Variants in RNASEH2B observed in about 807,000 individuals in gnomAD.
The protein encoded by RNASEH2B is Aicardi-Goutieres syndrome 2 protein.
RNASEH2B carries 36 observed loss-of-function variants against 45.0 expected under a neutral mutation model. The observed-to-expected ratio is 0.80, with a 90% confidence interval of 0.61 to 1.06. RNASEH2B has a LOEUF of 1.06. Among genes scored for constraint, RNASEH2B ranks in the 50% least tolerant of loss-of-function variants. RNASEH2B has a pLI of 0.00. For synonymous variants in RNASEH2B, 119 were observed against 125.7 expected, an observed-to-expected ratio of 0.95 and a Z score of 0.35; for missense variants, 361 against 360.3, an observed-to-expected ratio of 1.00 and a Z score of -0.02.
In RNASEH2B at chr13:50,910,013, G is replaced by A. The variant is rs1593439657; in HGVS notation, c.-64G>A. On this transcript the variant is annotated 5_prime_UTR_variant, in exon 1 of 11. Transcript: ENST00000336617. ...AACAGACCCTTCTCCCGCCATTTTC[G>A]GCGGGGCTGGGAGACTGAGGCCCGC... The A allele has an allele frequency of 7.2e-7, 1 of 1,384,130 alleles. No individual in the cohort carries two copies. Among genetic ancestry groups the A allele is most frequent in the Non-Finnish European group, 9.6e-7 (1 of 1,041,120 alleles). 85.7% of individuals were successfully genotyped at this position (1,384,130 alleles called of 1,614,324 possible).
At chr13:50,931,833 A>G (rs1166954204) in intron 4 of RNASEH2B, among the ~76,000 whole-genome samples, 2 of 152,198 alleles carry the variant, frequency 1.3e-5, no homozygotes, top group East Asian at 1.9e-4. Context: ...GCATTGGTCT[A>G]TCTTGCACTT....
At chr13:50,969,159 C>A (rs151239932) in intron 9 of RNASEH2B, among the ~76,000 whole-genome samples, 1 of 152,054 alleles carries the variant, frequency 6.6e-6, no homozygotes, top group African/African-American at 2.4e-5. Context: ...CATTCTAGAG[C>A]GAGTAGACAG....
intron 2 of RNASEH2B, among the ~76,000 whole-genome samples, chr13:50,928,866 T>A (rs559776863): frequency 8.3e-4 from 126 of 152,240 alleles, no homozygotes; most frequent in Admixed American, 2.7e-3. Flanking sequence ...AAAAAATTTT[T>A]TTTTCATTAG....
chr13:50,921,293 C>A (rs934965989), intron 1 of RNASEH2B: 1 of 152,182 alleles, frequency 6.6e-6, no homozygotes, highest in East Asian at 1.9e-4. Context: ...AATGTTCTTT[C>A]TATGCTGACA....
chr13:50,918,428 C>T (rs1401015710), intron 1 of RNASEH2B, among the ~76,000 whole-genome samples: 15 of 152,310 alleles, frequency 9.8e-5, no homozygotes, highest in Non-Finnish European at 1.5e-4. Context: ...TGAGCCACTG[C>T]GCCCGGCCTC....
chr13:50,946,150 C>T (rs897121310), intron 7 of RNASEH2B, among the ~76,000 whole-genome samples: 8 of 152,020 alleles, frequency 5.3e-5, no homozygotes, highest in African/African-American at 1.9e-4. Flanking sequence ...CTTTTATAAT[C>T]TAAAAAAGGT....
At chr13:50,962,035 A>T (rs1424292692) in intron 9 of RNASEH2B, among the ~76,000 whole-genome samples, 1 of 152,148 alleles carries the variant, frequency 6.6e-6, no homozygotes, top group African/African-American at 2.4e-5. Flanking sequence ...CTAATTTTGC[A>T]TTCTTGAGAT....
downstream of RNASEH2B, among the ~76,000 whole-genome samples, chr13:50,961,741 C>T (rs1297574831): frequency 6.6e-6 from 1 of 152,036 alleles, no homozygotes; most frequent in East Asian, 1.9e-4. Flanking sequence ...ACAACATGTA[C>T]ACACACATAT....
intron 8 of RNASEH2B, 102 bp from the exon 9 acceptor site, chr13:50,949,361 A>G: frequency 3.1e-6 from 3 of 977,306 alleles, no homozygotes; most frequent in Non-Finnish European, 5.0e-6. Flanking sequence ...GTAAAGCTGT[A>G]AGTTGAAAAG....
intron 1 of RNASEH2B, among the ~76,000 whole-genome samples, chr13:50,923,390 C>T (rs1049656883): frequency 2.6e-5 from 4 of 152,188 alleles, no homozygotes; most frequent in East Asian, 3.9e-4. Flanking sequence ...GTGTCGTAGT[C>T]AAACTGTGAA....
chr13:50,927,453 T>C lies in RNASEH2B; in HGVS notation c.111T>C (p.Phe37=). The change falls in exon 2 of 11, where the codon TTT becomes TTC. Residue 37 remains phenylalanine (F), a synonymous_variant. Transcript: ENST00000336617. ...AGAAGATGAAAAATGGGCTAATGTTTGTAAAACTGGTTAACCCCTGTTCAG... is the reference window on the plus strand; with the variant it reads ...AGAAGATGAAAAATGGGCTAATGTTCGTAAAACTGGTTAACCCCTGTTCAG... ...ASKKMKNGLM[F]VKLVNPCSGE... 6.2e-7 allele frequency: 1 copy of C among 1,603,460 alleles called. No homozygotes were observed. Among genetic ancestry groups the C allele is most frequent in the Non-Finnish European group, 8.5e-7 (1 of 1,170,440 alleles).
chr13:50,935,503 A>T (rs1437076134), intron 5 of RNASEH2B: 1 of 164,122 alleles, frequency 6.1e-6, no homozygotes, highest in Non-Finnish European at 1.3e-5. Context: ...CGCACAGTGT[A>T]ACGGAAGTGA....
chr13:50,955,791 T>G (rs1952039409), intron 10 of RNASEH2B: 1 of 153,130 alleles, frequency 6.5e-6, no homozygotes, highest in African/African-American at 2.4e-5. Flanking sequence ...CAGAGAGAGA[T>G]AGAAATGTAC....
At chr13:50,918,905 T>C (rs1951482588) in intron 1 of RNASEH2B, among the ~76,000 whole-genome samples, 1 of 152,222 alleles carries the variant, frequency 6.6e-6, no homozygotes, top group Admixed American at 6.5e-5. Flanking sequence ...CTCATCTCTC[T>C]TTTTCTTTTT....
At chr13:50,963,310 A>G (rs1952130427) in intron 9 of RNASEH2B, among the ~76,000 whole-genome samples, 1 of 151,952 alleles carries the variant, frequency 6.6e-6, no homozygotes, top group South Asian at 2.1e-4. Flanking sequence ...GATTACAGTC[A>G]TGCGTCACCA....
chr13:50,948,193 A>C (rs80155162), intron 8 of RNASEH2B, 125 bp downstream of exon 8: 60 of 1,476,406 alleles, frequency 4.1e-5, no homozygotes, highest in Non-Finnish European at 5.3e-5. Context: ...CAGCTATGTC[A>C]TATACTTTGT....
chr13:50,942,398 AAGAT>A (rs1297837329), intron 5 of RNASEH2B: 4 of 152,212 alleles, frequency 2.6e-5, no homozygotes, highest in African/African-American at 9.7e-5. Flanking sequence ...AATATGTTAA[AAGAT>A]AGATAGATCT....
intron 10 of RNASEH2B, 167 bp downstream of exon 10, chr13:50,954,152 A>G (rs1952013198): frequency 1.5e-6 from 1 of 668,758 alleles, no homozygotes; most frequent in Admixed American, 2.3e-5. Flanking sequence ...TGACAATGAA[A>G]ATGTTAAGCA....
At chr13:50,940,405 A>G (rs1466755959) in intron 5 of RNASEH2B, among the ~76,000 whole-genome samples, 2 of 152,228 alleles carry the variant, frequency 1.3e-5, no homozygotes, top group Non-Finnish European at 2.9e-5. Context: ...ACACCTAAAT[A>G]AAATTCATTT....
Sources: gnomAD v4.1 joint callset for allele counts (sites outside exome capture counted in the v4.1 genomes callset) on GRCh38, gnomAD v4.1.1 for gene constraint, MANE v1.5 for transcripts, NCBI Gene and HGNC (gene_info 2026-07-23, HGNC 2026-07-21) for gene names.